KCNU1: variants seen among roughly 807,000 people sequenced by gnomAD.
The protein encoded by KCNU1 is potassium calcium-activated channel subfamily U member 1.
In KCNU1, 93 loss-of-function variants were observed where a neutral mutation model predicts 126.8. The ratio of observed to expected loss-of-function variants is 0.73; its 90% CI spans 0.62 to 0.87. The LOEUF (loss-of-function observed/expected upper bound fraction) is 0.87. Among genes scored for constraint, KCNU1 ranks in the 40% least tolerant of loss-of-function variants. The pLI is 0.00. For missense variants in KCNU1, 1,330 were observed against 1,367.1 expected (o/e 0.97, Z 0.43); for synonymous variants, 523 against 494.2 (o/e 1.06, Z -0.77).
chr8:36,820,650 G>A (rs1226512378), intron 10 of KCNU1, among the ~76,000 whole-genome samples: 1 of 150,792 alleles, frequency 6.6e-6, no homozygotes. Context: ...TTTTCGAGCA[G>A]AACTTAGAAG....
At chr8:36,921,466 G>T (rs1248039654) in intron 23 of KCNU1, among the ~76,000 whole-genome samples, 1 of 151,934 alleles carries the variant, frequency 6.6e-6, no homozygotes, top group Non-Finnish European at 1.5e-5. Context: ...ATCATTTGAA[G>T]TCAAGAGTTT....
intron 14 of KCNU1, among the ~76,000 whole-genome samples, chr8:36,838,921 C>G (rs1804853011): frequency 6.6e-6 from 1 of 152,124 alleles, no homozygotes; most frequent in Non-Finnish European, 1.5e-5. Context: ...TTCTTTGGTG[C>G]TTTCAATTCT....
intron 19 of KCNU1, among the ~76,000 whole-genome samples, chr8:36,865,463 T>C (rs1244605511): frequency 1.3e-5 from 2 of 152,048 alleles, no homozygotes; most frequent in Non-Finnish European, 2.9e-5. Flanking sequence ...CTAAGTGTTA[T>C]TCAGAAAATG....
chr8:36,912,561 T>C lies in KCNU1; in HGVS notation c.2521+1442T>C, dbSNP rs574931330. Among the ~76,000 whole-genome samples the C allele has an allele frequency of 2.0e-5, 3 of 152,266 alleles. No individual in the cohort carries two copies. The South Asian group carries it at 6.2e-4, about 32-fold the overall frequency. ...TGTTTTGTTCTGCCATAGGAATCCTTAGCTTAGCAATTAGGGTCACTCCTT... is the reference window on the plus strand; with the variant it reads ...TGTTTTGTTCTGCCATAGGAATCCTCAGCTTAGCAATTAGGGTCACTCCTT... On this transcript the variant is annotated intron_variant, in intron 22 of 26. Transcript: ENST00000399881.
At chr8:36,839,408 A>G (rs1359064253) in intron 14 of KCNU1, among the ~76,000 whole-genome samples, 1 of 152,182 alleles carries the variant, frequency 6.6e-6, no homozygotes, top group East Asian at 1.9e-4. Flanking sequence ...AGAAGCACTA[A>G]GCCAATTTAT....
chr8:36,923,520 G>A (rs771223299), intron 24 of KCNU1, among the ~76,000 whole-genome samples: 30 of 152,160 alleles, frequency 2.0e-4, no homozygotes, highest in Non-Finnish European at 4.0e-4. Context: ...GAAGCAGTGA[G>A]GTGGGAGTTG....
At chr8:36,841,506 A>G (rs1469457643) in intron 16 of KCNU1, among the ~76,000 whole-genome samples, 1 of 152,146 alleles carries the variant, frequency 6.6e-6, no homozygotes, top group African/African-American at 2.4e-5. Context: ...AGCCTGGCCA[A>G]CATGGTGAAA....
intron 1 of KCNU1, among the ~76,000 whole-genome samples, chr8:36,784,948 T>C (rs755568527): frequency 1.2e-4 from 19 of 152,238 alleles, no homozygotes; most frequent in Non-Finnish European, 2.8e-4. Context: ...ACAATTGTGC[T>C]AGGTCATAGA....
At chr8:36,809,195 AG>A (rs1803617968) in intron 7 of KCNU1, among the ~76,000 whole-genome samples, 1 of 152,176 alleles carries the variant, frequency 6.6e-6, no homozygotes, top group African/African-American at 2.4e-5. Flanking sequence ...ACTGTTGCAA[AG>A]GGGAGTTTGG....
intron 19 of KCNU1, among the ~76,000 whole-genome samples, chr8:36,865,781 A>C (rs1471769672): frequency 6.7e-6 from 1 of 149,846 alleles, no homozygotes; most frequent in Non-Finnish European, 1.5e-5. Context: ...GTCAAAAAAA[A>C]AAAAAAAAAA....
At chr8:36,799,370 T>G (rs1479220056) in intron 2 of KCNU1, among the ~76,000 whole-genome samples, 1 of 152,182 alleles carries the variant, frequency 6.6e-6, no homozygotes, top group Non-Finnish European at 1.5e-5. Context: ...CTGACAAGTC[T>G]TGGTGGGCCT....
chr8:36,875,102 G>A (rs1280701420), intron 19 of KCNU1, among the ~76,000 whole-genome samples: 2 of 152,038 alleles, frequency 1.3e-5, no homozygotes, highest in African/African-American at 4.8e-5. Flanking sequence ...ATAAGGCCAT[G>A]TATAAATGTG....
intron 15 of KCNU1, 69 bp downstream of exon 15, chr8:36,840,644 C>A: frequency 2.2e-6 from 2 of 891,796 alleles, no homozygotes; most frequent in Non-Finnish European, 3.7e-6. Context: ...TCACTGAGGG[C>A]CCACTATAGG....
At chr8:36,934,486 C>T (rs2117623765) in intron 26 of KCNU1, among the ~76,000 whole-genome samples, 1 of 152,050 alleles carries the variant, frequency 6.6e-6, no homozygotes. Flanking sequence ...CCACCCCTCC[C>T]CCAAACACCT....
At chr8:36,867,645 G>A (rs547083970) in intron 19 of KCNU1, among the ~76,000 whole-genome samples, 3 of 152,082 alleles carry the variant, frequency 2.0e-5, no homozygotes, top group South Asian at 4.1e-4. Context: ...AAGGGTTGGC[G>A]AGCCATAGAT....
chr8:36,860,326 C>T (rs890514759), intron 18 of KCNU1, among the ~76,000 whole-genome samples: 2 of 152,154 alleles, frequency 1.3e-5, no homozygotes, highest in African/African-American at 4.8e-5. Context: ...ATCCACCCAC[C>T]TCAGCCTCCC....
intron 20 of KCNU1, among the ~76,000 whole-genome samples, chr8:36,907,875 A>G (rs1257321312): frequency 6.6e-6 from 1 of 152,212 alleles, no homozygotes; most frequent in African/African-American, 2.4e-5. Flanking sequence ...GAAAATATAG[A>G]AATTCAATAA....
At chr8:36,923,134 T>C in intron 24 of KCNU1, 1 of 451,088 alleles carries the variant, frequency 2.2e-6, no homozygotes, top group Non-Finnish European at 4.5e-6. Flanking sequence ...TCTTTAGTTT[T>C]CAGCACCTCT....
At chr8:36,892,324 A>G (rs1201432125) in intron 19 of KCNU1, among the ~76,000 whole-genome samples, 2 of 151,908 alleles carry the variant, frequency 1.3e-5, no homozygotes, top group African/African-American at 2.4e-5. Context: ...CTTATAATCT[A>G]TCTCCTCACT....
Sources: allele counts gnomAD v4.1 joint callset (sites outside exome capture counted in the v4.1 genomes callset), GRCh38; gene constraint gnomAD v4.1.1; transcripts MANE v1.5; gene names NCBI Gene and HGNC (gene_info 2026-07-23, HGNC 2026-07-21).